The following LRRC4C variants were observed in gnomAD, a reference collection of about 807,000 sequenced individuals.
LRRC4C encodes leucine-rich repeat-containing protein 4C.
Under a neutral mutation model 33.6 loss-of-function variants are expected in LRRC4C, and 5 were observed. That is an observed-to-expected ratio of 0.15 (90% CI 0.08 to 0.31). LRRC4C has a LOEUF of 0.31. Ranked by LOEUF, LRRC4C falls within the 10% of genes least tolerant of loss-of-function variation. LRRC4C has a pLI of 1.00. For synonymous variants in LRRC4C, 329 were observed against 302.0 expected (o/e 1.09, Z -0.93); for missense variants, 560 against 796.7 (o/e 0.70, Z 3.58).
chr11:40,352,854 C>T (rs1239688299), intron 3 of LRRC4C, among the ~76,000 whole-genome samples: 2 of 152,118 alleles, frequency 1.3e-5, no homozygotes, highest in African/African-American at 4.8e-5. Flanking sequence ...ATATACTATT[C>T]AGAGATAAAA....
chr11:40,969,520 T>C (rs1851578864), intron 1 of LRRC4C, among the ~76,000 whole-genome samples: 1 of 151,324 alleles, frequency 6.6e-6, no homozygotes. Flanking sequence ...GAAACTTCAT[T>C]ACTGTCTTCT....
At chr11:41,289,034 C>A (rs776450653) in intron 1 of LRRC4C, among the ~76,000 whole-genome samples, 1 of 152,092 alleles carries the variant, frequency 6.6e-6, no homozygotes, top group Non-Finnish European at 1.5e-5. Flanking sequence ...AAATTCCCTT[C>A]GCCTTTGCCT....
intron 1 of LRRC4C, among the ~76,000 whole-genome samples, chr11:41,042,002 AC>A (rs1246642367): frequency 7.9e-5 from 12 of 152,314 alleles, no homozygotes; most frequent in Admixed American, 1.3e-4. Flanking sequence ...GAATTTACTC[AC>A]CTAAATTCAC....
rs1000339760 is a variant in LRRC4C, at chr11:40,628,727, G to A, written c.-270+19415C>T. On this transcript the variant is annotated intron_variant, in intron 3 of 6. Transcript: ENST00000528697. The stretch of plus-strand genomic sequence containing the variant: ...AAATGGACTTGACAATTTCAGAAGT[G>A]TTTGCAATGTCAATGTGCTTCTATT... Among the ~76,000 whole-genome samples, 5 of 152,280 alleles carry A rather than the reference G, an allele frequency of 3.3e-5. No homozygotes were observed. In the East Asian group the frequency reaches 9.7e-4, roughly 29 times the overall value.
intron 4 of LRRC4C, among the ~76,000 whole-genome samples, chr11:40,249,433 A>C (rs954350036): frequency 6.6e-6 from 1 of 152,108 alleles, no homozygotes; most frequent in East Asian, 1.9e-4. Context: ...CACTGAATTC[A>C]TACTTCATCC....
intron 1 of LRRC4C, among the ~76,000 whole-genome samples, chr11:41,039,216 G>C (rs959094932): frequency 6.6e-6 from 1 of 152,118 alleles, no homozygotes; most frequent in East Asian, 1.9e-4. Flanking sequence ...ATTGATTAAC[G>C]TGATAGAAAT....
intron 3 of LRRC4C, among the ~76,000 whole-genome samples, chr11:40,416,600 A>C (rs1160823530): frequency 6.6e-6 from 1 of 152,204 alleles, no homozygotes; most frequent in African/African-American, 2.4e-5. Context: ...AGAATTAATT[A>C]TTACAAAAAC....
At chr11:41,224,505 T>C (rs1947443501) in intron 1 of LRRC4C, among the ~76,000 whole-genome samples, 1 of 152,190 alleles carries the variant, frequency 6.6e-6, no homozygotes, top group Non-Finnish European at 1.5e-5. Context: ...ACAGTCTTAC[T>C]GATAATAAAG....
rs1030662368 is a variant in LRRC4C at position 40,117,003 on chromosome 11, G to A, written c.-42-669C>T. Reference sequence around the variant, plus strand: ...CCTATGAAGCTGGTTGTAATCCTTCGTAATCCTTACAACACTTCTCTGAAG... The same window carrying A: ...CCTATGAAGCTGGTTGTAATCCTTCATAATCCTTACAACACTTCTCTGAAG... On this transcript the variant is annotated intron_variant, in intron 6 of 6. Coordinates refer to ENST00000528697, the MANE Select transcript of LRRC4C (RefSeq NM_001258419.2). 3.3e-5 allele frequency among the ~76,000 whole-genome samples: 5 copies of A among 152,132 alleles called. No individual in the cohort carries two copies. In the South Asian group the frequency reaches 6.2e-4, roughly 19 times the overall value.
intron 4 of LRRC4C, among the ~76,000 whole-genome samples, chr11:40,254,703 C>T (rs1022613663): frequency 6.6e-6 from 1 of 152,186 alleles, no homozygotes; most frequent in African/African-American, 2.4e-5. Flanking sequence ...CTTCCAGACA[C>T]TGAAGATGTA....
chr11:40,435,634 C>T (rs1192083262), intron 3 of LRRC4C, among the ~76,000 whole-genome samples: 1 of 152,116 alleles, frequency 6.6e-6, no homozygotes, highest in African/African-American at 2.4e-5. Flanking sequence ...GTAGAGAAGG[C>T]ACAGGCTCTG....
chr11:41,163,301 T>TTTTTTTTTTTTTTTTTTTTTC (rs71063903), intron 1 of LRRC4C, among the ~76,000 whole-genome samples: 1 of 140,508 alleles, frequency 7.1e-6, no homozygotes, highest in African/African-American at 2.6e-5. Context: ...TTTTTTTTTT[T>TTTTTTTTTTTTTTTTTTTTTC]CAAACAGGGT....
At chr11:41,019,718 T>C (rs1565307279) in intron 1 of LRRC4C, among the ~76,000 whole-genome samples, 1 of 152,184 alleles carries the variant, frequency 6.6e-6, no homozygotes, top group Non-Finnish European at 1.5e-5. Context: ...CCATTCTGAC[T>C]GGTATGAGAT....
At chr11:40,942,092 G>A (rs146627155) in intron 1 of LRRC4C, among the ~76,000 whole-genome samples, 1 of 152,108 alleles carries the variant, frequency 6.6e-6, no homozygotes, top group Non-Finnish European at 1.5e-5. Flanking sequence ...AGGGGCAAAG[G>A]TTGGATAGAG....
intron 3 of LRRC4C, among the ~76,000 whole-genome samples, chr11:40,592,320 A>C (rs529601101): frequency 6.6e-6 from 1 of 152,324 alleles, no homozygotes; most frequent in African/African-American, 2.4e-5. Flanking sequence ...ACATGCTGTG[A>C]GCATCATAAT....
chr11:41,387,353 T>A (rs1953402236), intron 1 of LRRC4C, among the ~76,000 whole-genome samples: 1 of 151,728 alleles, frequency 6.6e-6, no homozygotes, highest in Admixed American at 6.6e-5. Context: ...GAGGAACACC[T>A]GACTGAATCA....
chr11:40,412,557 C>T (rs1950191295), intron 3 of LRRC4C, among the ~76,000 whole-genome samples: 1 of 152,056 alleles, frequency 6.6e-6, no homozygotes, highest in Non-Finnish European at 1.5e-5. Context: ...TCACCTCCAC[C>T]ATCATAATGC....
intron 3 of LRRC4C, among the ~76,000 whole-genome samples, chr11:40,347,426 T>A (rs1180673588): frequency 6.6e-6 from 1 of 152,206 alleles, no homozygotes; most frequent in Non-Finnish European, 1.5e-5. Context: ...CAGGCTGTTT[T>A]GCTTTCCTAT....
At chr11:40,446,465 A>C (rs1359598236) in intron 3 of LRRC4C, 1 of 152,054 alleles carries the variant, frequency 6.6e-6, no homozygotes, top group African/African-American at 2.4e-5. Context: ...CTTTCTCCTT[A>C]CTTGATATGT....
Sources: gnomAD v4.1 joint callset for allele counts (sites outside exome capture counted in the v4.1 genomes callset) on GRCh38, gnomAD v4.1.1 for gene constraint, MANE v1.5 for transcripts, NCBI Gene and HGNC (gene_info 2026-07-23, HGNC 2026-07-21) for gene names.